The following SLC9A9 variants were observed in gnomAD, a reference collection of about 807,000 sequenced individuals.
The protein encoded by SLC9A9 is sodium/hydrogen exchanger 9.
SLC9A9 carries 62 observed loss-of-function variants against 77.8 expected under a neutral mutation model. That is an observed-to-expected ratio of 0.80 (90% CI 0.65 to 0.98). SLC9A9 has a LOEUF of 0.98. Among genes scored for constraint, SLC9A9 ranks in the 50% least tolerant of loss-of-function variants. The pLI, the probability that SLC9A9 is intolerant of heterozygous loss-of-function variation, is 0.00. For synonymous variants in SLC9A9, 320 were observed against 283.5 expected (o/e 1.13, Z -1.29); for missense variants, 775 against 774.9 (o/e 1.00, Z 0.00).
intron 9 of SLC9A9, among the ~76,000 whole-genome samples, chr3:143,530,200 A>C (rs897256616): frequency 6.6e-6 from 1 of 152,230 alleles, no homozygotes; most frequent in Non-Finnish European, 1.5e-5. Context: ...TTACTAAGTT[A>C]GTGAGAGAGT....
chr3:143,776,232 C>T (rs1191375270), intron 4 of SLC9A9, among the ~76,000 whole-genome samples: 2 of 152,076 alleles, frequency 1.3e-5, no homozygotes, highest in African/African-American at 2.4e-5. Context: ...CATATAATAG[C>T]AAACTATGTA....
intron 11 of SLC9A9, among the ~76,000 whole-genome samples, chr3:143,489,375 T>C (rs2035703380): frequency 6.6e-6 from 1 of 151,886 alleles, no homozygotes; most frequent in Non-Finnish European, 1.5e-5. Flanking sequence ...AAAGAAATAG[T>C]AAAACCTATC....
intron 2 of SLC9A9, among the ~76,000 whole-genome samples, chr3:143,801,798 C>T (rs982868376): frequency 1.3e-5 from 2 of 152,204 alleles, no homozygotes; most frequent in African/African-American, 4.8e-5. Context: ...GGCCCTCACT[C>T]TTGCAAAGGG....
At chr3:143,617,677 G>A (rs2038129810) in intron 6 of SLC9A9, among the ~76,000 whole-genome samples, 1 of 152,158 alleles carries the variant, frequency 6.6e-6, no homozygotes, top group African/African-American at 2.4e-5. Context: ...AGCAGCAGTT[G>A]CCTTAAGGTG....
rs115479410 is a variant in SLC9A9, at chr3:143,440,799, C to T, written c.1469+26238G>A. ...GGAGCTTTGCTGGTAAAACTGAAGC[C>T]GTTTAAATATATTCATGGACAAGAG... On this transcript the variant is annotated intron_variant, in intron 12 of 15. Coordinates refer to ENST00000316549, the MANE Select transcript of SLC9A9 (RefSeq NM_173653.4). Among the ~76,000 whole-genome samples the T allele has an allele frequency of 1.6e-3, 247 of 152,260 alleles. 2 individuals carry two copies. The highest frequency in any genetic ancestry group is 5.7e-3 in the African/African-American group (236 of 41,550).
chr3:143,619,185 AAGG>A (rs1230028784), intron 6 of SLC9A9, among the ~76,000 whole-genome samples: 1 of 152,230 alleles, frequency 6.6e-6, no homozygotes, highest in East Asian at 1.9e-4. Flanking sequence ...GAGGAAAATC[AAGG>A]AGGTTAAAAA....
At chr3:143,276,670 G>A (rs534628305) in intron 14 of SLC9A9, among the ~76,000 whole-genome samples, 2 of 150,556 alleles carry the variant, frequency 1.3e-5, no homozygotes, top group East Asian at 1.9e-4. Flanking sequence ...GTCAAACAAT[G>A]TAGCTTAGAA....
At chr3:143,319,362 T>G (rs964408041) in intron 14 of SLC9A9, among the ~76,000 whole-genome samples, 24 of 152,236 alleles carry the variant, frequency 1.6e-4, no homozygotes, top group Admixed American at 7.8e-4. Context: ...GTTTTCTATC[T>G]GCAAACAGTA....
intron 4 of SLC9A9, among the ~76,000 whole-genome samples, chr3:143,757,397 A>G (rs993277463): frequency 3.3e-5 from 5 of 152,166 alleles, no homozygotes; most frequent in African/African-American, 1.2e-4. Flanking sequence ...CTTCAGGCCA[A>G]ACAAAACACA....
intron 14 of SLC9A9, among the ~76,000 whole-genome samples, chr3:143,295,354 G>T (rs779362730): frequency 2.0e-5 from 3 of 152,172 alleles, no homozygotes; most frequent in Non-Finnish European, 4.4e-5. Context: ...TAGGCATTTT[G>T]AGGTGGCTTT....
At chr3:143,728,540 T>C (rs563698426) in intron 4 of SLC9A9, among the ~76,000 whole-genome samples, 3 of 152,004 alleles carry the variant, frequency 2.0e-5, no homozygotes, top group East Asian at 3.9e-4. Flanking sequence ...GGTAAGGTAT[T>C]TGGATTTTTT....
intron 12 of SLC9A9, among the ~76,000 whole-genome samples, chr3:143,387,455 A>G (rs528737119): frequency 1.2e-4 from 18 of 152,296 alleles, no homozygotes; most frequent in African/African-American, 4.3e-4. Flanking sequence ...AAGAACCAGT[A>G]AAGAATTAGA....
At chr3:143,347,678 C>T (rs986940400) in intron 14 of SLC9A9, among the ~76,000 whole-genome samples, 1 of 152,072 alleles carries the variant, frequency 6.6e-6, no homozygotes, top group Admixed American at 6.6e-5. Context: ...ACAAAAAGAC[C>T]ACCAATATTG....
intron 9 of SLC9A9, among the ~76,000 whole-genome samples, chr3:143,507,761 A>C (rs531556219): frequency 4.7e-4 from 72 of 152,340 alleles, no homozygotes; most frequent in African/African-American, 1.6e-3. Context: ...CTGAAACAAC[A>C]AACACCCATT....
intron 9 of SLC9A9, chr3:143,517,488 T>C: frequency 6.3e-7 from 1 of 1,597,936 alleles, no homozygotes; most frequent in Non-Finnish European, 8.5e-7. Context: ...GTTCTTTCTT[T>C]GATCTCTCGC....
intron 14 of SLC9A9, among the ~76,000 whole-genome samples, chr3:143,291,386 C>T (rs1264628117): frequency 6.6e-6 from 1 of 152,186 alleles, no homozygotes; most frequent in Non-Finnish European, 1.5e-5. Flanking sequence ...AGGAGAAGAG[C>T]TCAGGTGGTG....
At chr3:143,402,714 T>A (rs977716639) in intron 12 of SLC9A9, among the ~76,000 whole-genome samples, 1 of 151,656 alleles carries the variant, frequency 6.6e-6, no homozygotes, top group East Asian at 1.9e-4. Context: ...TCTTTTCCCA[T>A]CCCCTTTCCC....
At chr3:143,747,638 A>T (rs1344548249) in intron 4 of SLC9A9, among the ~76,000 whole-genome samples, 1 of 152,200 alleles carries the variant, frequency 6.6e-6, no homozygotes. Flanking sequence ...CAGTCATAAC[A>T]TGAGGAATGC....
intron 8 of SLC9A9, among the ~76,000 whole-genome samples, chr3:143,572,216 T>C (rs889893442): frequency 6.6e-6 from 1 of 152,094 alleles, no homozygotes; most frequent in Admixed American, 6.5e-5. Context: ...TAGCCTTTAA[T>C]GTAGTTGATA....
Sources: allele counts gnomAD v4.1 joint callset (sites outside exome capture counted in the v4.1 genomes callset), GRCh38; gene constraint gnomAD v4.1.1; transcripts MANE v1.5; gene names NCBI Gene and HGNC (gene_info 2026-07-23, HGNC 2026-07-21).